The following CHIC1 variants were observed in gnomAD, a reference collection of about 807,000 sequenced individuals.
The protein encoded by CHIC1 is cysteine-rich hydrophobic domain-containing protein 1.
Under a neutral mutation model 18.5 loss-of-function variants are expected in CHIC1, and 7 were observed. The ratio of observed to expected loss-of-function variants is 0.38; its 90% CI spans 0.22 to 0.71. CHIC1 has a LOEUF of 0.71. Among genes scored for constraint, CHIC1 ranks in the 30% least tolerant of loss-of-function variants. CHIC1 has a pLI of 0.49. For missense variants in CHIC1, 159 were observed against 176.9 expected (o/e 0.90, Z 0.57); for synonymous variants, 77 against 73.5 (o/e 1.05, Z -0.25).
chrX:73,611,827 A>G (rs2057710182), intron 3 of CHIC1, among the ~76,000 whole-genome samples: 1 of 108,037 alleles, frequency 9.3e-6, no homozygotes, highest in Non-Finnish European at 1.9e-5. Context: ...TCTTTTGAGA[A>G]GTGTCTGTTC....
At chrX:73,659,938 A>G (rs2057971546) in intron 3 of CHIC1, among the ~76,000 whole-genome samples, 1 of 111,640 alleles carries the variant, frequency 9.0e-6, no homozygotes, top group African/African-American at 3.3e-5. Context: ...CATTGATGCC[A>G]TGATAGACGC....
At chrX:73,649,121 T>G (rs1229756764) in intron 3 of CHIC1, among the ~76,000 whole-genome samples, 2 of 111,714 alleles carry the variant, frequency 1.8e-5, no homozygotes, top group East Asian at 5.6e-4. Flanking sequence ...GAAGGAGAAA[T>G]AAAATCTTTT....
At chrX:73,584,643 A>T in intron 3 of CHIC1, 71 bp downstream of exon 3, 1 of 778,838 alleles carries the variant, frequency 1.3e-6, no homozygotes, top group Non-Finnish European at 1.8e-6. Context: ...TGTGCTATGA[A>T]CTCTTTTCAA....
chrX:73,607,277 G>A (rs1172620568), intron 3 of CHIC1, among the ~76,000 whole-genome samples: 2 of 108,191 alleles, frequency 1.8e-5, no homozygotes, highest in Non-Finnish European at 3.8e-5. Flanking sequence ...GTTTGTTTAC[G>A]CTGTGAGGGT....
intron 3 of CHIC1, among the ~76,000 whole-genome samples, chrX:73,654,752 G>T (rs1053838583): frequency 9.0e-6 from 1 of 111,562 alleles, no homozygotes; most frequent in Admixed American, 9.5e-5. Context: ...TTCTGATTCC[G>T]TCTTGGTAAA....
At chrX:73,569,884 A>T (rs529756741) in intron 1 of CHIC1, among the ~76,000 whole-genome samples, 3 of 111,363 alleles carry the variant, frequency 2.7e-5, no homozygotes, top group Non-Finnish European at 5.7e-5. Flanking sequence ...AGATACATTT[A>T]GGTCATAAGG....
chrX:73,642,312 G>A (rs1450407299), intron 3 of CHIC1, among the ~76,000 whole-genome samples: 3 of 111,392 alleles, frequency 2.7e-5, no homozygotes, highest in African/African-American at 9.8e-5. Context: ...CTGCATAAAT[G>A]TCTTCTTTTG....
At chrX:73,642,110 A>G (rs2057860088) in intron 3 of CHIC1, among the ~76,000 whole-genome samples, 1 of 111,750 alleles carries the variant, frequency 8.9e-6, no homozygotes, top group African/African-American at 3.3e-5. Context: ...TTCCACAAGG[A>G]TCGAACTAGT....
In CHIC1 at chrX:73,680,969, A is replaced by T; in HGVS notation, c.639A>T (p.Glu213Asp). ...SNMMEYVILI[E>D]FLPKYPIFRP... ...TTATTTTGCAGGTAATACTAATAGA[A>T]TTCTTACCAAAATATCCCATATTCC... Residue 213 changes from glutamate to aspartate, a missense_variant, in exon 6 of 6, where the codon GAA (glutamate) becomes GAT (aspartate). Physicochemically the swap from Glu to Asp is conservative, Grantham distance 45. Coordinates refer to ENST00000373502, the MANE Select transcript of CHIC1 (RefSeq NM_001039840.4). 1 of 1,094,534 alleles carries T rather than the reference A, an allele frequency of 9.1e-7. No homozygotes were observed. The highest frequency in any genetic ancestry group is 2.1e-5 in the South Asian group (1 of 48,380). 90.2% of individuals were successfully genotyped at this position (1,094,534 alleles called of 1,213,427 possible). A position where few individuals can be genotyped will look rare whatever the true frequency, so the allele number is the denominator to read the frequency against.
At chrX:73,645,966 C>G (rs763656027) in intron 3 of CHIC1, among the ~76,000 whole-genome samples, 12 of 111,634 alleles carry the variant, frequency 1.1e-4, no homozygotes, top group Non-Finnish European at 1.7e-4. Flanking sequence ...ACTACCCAGA[C>G]CAGTGTCATG....
At chrX:73,642,616 A>G (rs761996396) in intron 3 of CHIC1, among the ~76,000 whole-genome samples, 2 of 106,935 alleles carry the variant, frequency 1.9e-5, no homozygotes, top group Non-Finnish European at 3.9e-5. Flanking sequence ...CTGAATGGTA[A>G]TGCCTAGGTT....
At chrX:73,636,028 G>C (rs67894013) in intron 3 of CHIC1, among the ~76,000 whole-genome samples, 5,285 of 111,113 alleles carry the variant, frequency 0.048, 325 homozygotes, top group African/African-American at 0.16. Context: ...CATATGGTTA[G>C]ATCTGTGATG....
intron 3 of CHIC1, among the ~76,000 whole-genome samples, chrX:73,632,467 G>T (rs188182029): frequency 1.8e-5 from 2 of 111,482 alleles, no homozygotes; most frequent in Admixed American, 1.9e-4. Flanking sequence ...GGTAGGTAAG[G>T]ACTTGTTATT....
chrX:73,608,470 C>T lies in CHIC1; in HGVS notation c.507+23898C>T, dbSNP rs144039715. On this transcript the variant is annotated intron_variant, in intron 3 of 5. Transcript: ENST00000373502. ...GATTCTGATAGGGATTACATTCAAT[C>T]GGTACATTTTTCGGGGGTAGTATTG... Among the ~76,000 whole-genome samples the T allele has an allele frequency of 6.8e-3, 729 of 107,693 alleles. 65 individuals carry two copies. The highest frequency in any genetic ancestry group is 0.025 in the African/African-American group (702 of 27,543). 93.5% of individuals were successfully genotyped at this position (107,693 alleles called of 115,157 possible).
chrX:73,622,997 T>C (rs2057767198), intron 3 of CHIC1, among the ~76,000 whole-genome samples: 1 of 112,049 alleles, frequency 8.9e-6, no homozygotes, highest in Non-Finnish European at 1.9e-5. Context: ...TTACGTGGTT[T>C]TGAGTGAGTT....
At position 73,653,712 on chromosome X, in the gene CHIC1, TTG is replaced by T. The variant is rs1176587401; in HGVS notation, c.508-25605_508-25604del. Among the ~76,000 whole-genome samples, 6 of 112,616 alleles carry T rather than the reference TTG, an allele frequency of 5.3e-5. No individual in the cohort carries two copies. In the Admixed American group the frequency reaches 5.7e-4, roughly 11 times the overall value. ...TAGCATGGGCTGTCTTTCCGTGTTT[TTG>T]TGTGTGTGCCCTTTTTAATTTCTTT... On this transcript the variant is annotated intron_variant, in intron 3 of 5. Transcript: ENST00000373502.
chrX:73,665,919 G>A (rs1452786926), intron 3 of CHIC1, among the ~76,000 whole-genome samples: 1 of 111,818 alleles, frequency 8.9e-6, no homozygotes, highest in African/African-American at 3.3e-5. Flanking sequence ...AAGGCTTTGA[G>A]TCAACACACT....
At chrX:73,638,313 A>T (rs2057839841) in intron 3 of CHIC1, among the ~76,000 whole-genome samples, 1 of 111,241 alleles carries the variant, frequency 9.0e-6, no homozygotes. Context: ...CAAGGTAGGT[A>T]AAAAAGAGAT....
intron 3 of CHIC1, among the ~76,000 whole-genome samples, chrX:73,675,220 G>A (rs370372819): frequency 9.0e-6 from 1 of 111,644 alleles, no homozygotes; most frequent in East Asian, 2.8e-4. Context: ...GATTTGGGGT[G>A]GAGAATTCTA....
Sources: gnomAD v4.1 joint callset for allele counts (sites outside exome capture counted in the v4.1 genomes callset) on GRCh38, gnomAD v4.1.1 for gene constraint, MANE v1.5 for transcripts, NCBI Gene and HGNC (gene_info 2026-07-23, HGNC 2026-07-21) for gene names.